The following MDGA2 variants were observed in gnomAD, a reference collection of about 807,000 sequenced individuals.
The protein encoded by MDGA2 is MAM domain containing glycosylphosphatidylinositol anchor 2.
Under a neutral mutation model 117.8 loss-of-function variants are expected in MDGA2, and 40 were observed. The ratio of observed to expected loss-of-function variants is 0.34; its 90% CI spans 0.26 to 0.44. The LOEUF (loss-of-function observed/expected upper bound fraction) is 0.44. Among genes scored for constraint, MDGA2 ranks in the 20% least tolerant of loss-of-function variants. MDGA2 has a pLI of 1.00. For missense variants in MDGA2, 1,123 were observed against 1,250.6 expected (o/e 0.90, Z 1.54); for synonymous variants, 452 against 439.0 (o/e 1.03, Z -0.37).
At chr14:46,936,054 C>A (rs948815176) in intron 9 of MDGA2, among the ~76,000 whole-genome samples, 4 of 152,006 alleles carry the variant, frequency 2.6e-5, no homozygotes, top group Admixed American at 6.6e-5. Flanking sequence ...TATATAAATA[C>A]AGTCATACAT....
chr14:46,922,522 A>G (rs1354921446), intron 9 of MDGA2, among the ~76,000 whole-genome samples: 1 of 152,188 alleles, frequency 6.6e-6, no homozygotes, highest in Non-Finnish European at 1.5e-5. Context: ...ATAACATTAA[A>G]AAAGTTCCTC....
chr14:46,885,755 C>G (rs1409077193), intron 10 of MDGA2, among the ~76,000 whole-genome samples: 1 of 152,062 alleles, frequency 6.6e-6, no homozygotes, highest in Non-Finnish European at 1.5e-5. Flanking sequence ...CAGCATAAAT[C>G]CCAAGCTTTA....
chr14:47,526,534 C>G (rs745774544), intron 1 of MDGA2, among the ~76,000 whole-genome samples: 1 of 152,136 alleles, frequency 6.6e-6, no homozygotes, highest in Non-Finnish European at 1.5e-5. Context: ...TCTAACTTCT[C>G]TCTCCCCAGG....
intron 1 of MDGA2, among the ~76,000 whole-genome samples, chr14:47,316,369 G>A (rs779111362): frequency 3.3e-5 from 5 of 151,738 alleles, no homozygotes; most frequent in African/African-American, 4.8e-5. Context: ...AAAATAAACC[G>A]CAACTTTATG....
At chr14:47,066,477 A>G (rs1414196645) in intron 6 of MDGA2, among the ~76,000 whole-genome samples, 2 of 152,204 alleles carry the variant, frequency 1.3e-5, no homozygotes, top group Non-Finnish European at 2.9e-5. Context: ...GAACAGAATA[A>G]CACTTGATGA....
At chr14:47,462,079 G>T (rs553865767) in intron 1 of MDGA2, among the ~76,000 whole-genome samples, 1 of 152,038 alleles carries the variant, frequency 6.6e-6, no homozygotes, top group East Asian at 1.9e-4. Context: ...AATTGCTTTC[G>T]TACCTTTAAA....
Position 46,873,845 on chromosome 14 carries a change from C to G in MDGA2, c.2593+200G>C, listed in dbSNP as rs186030620. On this transcript the variant is annotated intron_variant, in intron 13 of 16. Coordinates refer to ENST00000399232, the MANE Select transcript of MDGA2 (RefSeq NM_001113498.3). ...TGAATTATCAAAAAATTCCTATTCTCTCTACTATATGTATCAGTGAAGTCT... is the reference window on the plus strand; with the variant it reads ...TGAATTATCAAAAAATTCCTATTCTGTCTACTATATGTATCAGTGAAGTCT... 4.6e-4 allele frequency: 265 copies of G among 573,874 alleles called. 1 individual carries two copies. The highest frequency in any genetic ancestry group is 5.5e-4 in the Non-Finnish European group (197 of 357,514). 35.5% of individuals were successfully genotyped at this position (573,874 alleles called of 1,614,324 possible).
chr14:47,362,910 T>A (rs1168453203), intron 1 of MDGA2, among the ~76,000 whole-genome samples: 1 of 152,214 alleles, frequency 6.6e-6, no homozygotes, highest in African/African-American at 2.4e-5. Flanking sequence ...CACTTAGAAC[T>A]AGAAATGCTT....
intron 9 of MDGA2, among the ~76,000 whole-genome samples, chr14:46,945,738 G>T (rs115290674): frequency 1.4e-4 from 22 of 152,100 alleles, no homozygotes; most frequent in African/African-American, 5.3e-4. Context: ...ATAATCATGG[G>T]GCTCACTTCA....
Position 46,855,441 on chromosome 14 carries a change from TA to T in MDGA2, c.2753-288del, listed in dbSNP as rs935562261. ...TATTCTAGATTATTAGGGTGAGTCC[TA>T]AATGCAATTACATATAGCTTTATAA... On this transcript the variant is annotated intron_variant, in intron 14 of 16. Transcript: ENST00000399232. The surrounding 1 kb of genome is among the most constrained non-coding windows in gnomAD (Gnocchi z 4.1). Among the ~76,000 whole-genome samples the T allele has an allele frequency of 1.3e-5, 2 of 152,150 alleles. No homozygotes were observed. Among genetic ancestry groups the T allele is most frequent in the African/African-American group, 4.8e-5 (2 of 41,446 alleles).
At chr14:47,165,076 G>T (rs1212187745) in intron 3 of MDGA2, among the ~76,000 whole-genome samples, 1 of 151,892 alleles carries the variant, frequency 6.6e-6, no homozygotes, top group Non-Finnish European at 1.5e-5. Flanking sequence ...ACAGGAAGGG[G>T]AACATCACAC....
intron 5 of MDGA2, among the ~76,000 whole-genome samples, chr14:47,110,205 T>G (rs1263549385): frequency 2.0e-5 from 3 of 152,082 alleles, no homozygotes; most frequent in Non-Finnish European, 2.9e-5. Context: ...CACTCCTTTG[T>G]ACTTATTTGT....
intron 1 of MDGA2, among the ~76,000 whole-genome samples, chr14:47,495,319 G>T (rs1034172680): frequency 6.6e-6 from 1 of 151,630 alleles, no homozygotes; most frequent in African/African-American, 2.4e-5. Flanking sequence ...CTACTTATTT[G>T]GTACAATGTA....
At chr14:47,387,325 C>A (rs921029501) in intron 1 of MDGA2, among the ~76,000 whole-genome samples, 2 of 152,040 alleles carry the variant, frequency 1.3e-5, no homozygotes, top group Admixed American at 1.3e-4. Context: ...CACCCACCCC[C>A]AAACCCACCC....
At chr14:47,263,873 A>G (rs1433353580) in intron 2 of MDGA2, among the ~76,000 whole-genome samples, 1 of 152,168 alleles carries the variant, frequency 6.6e-6, no homozygotes, top group Non-Finnish European at 1.5e-5. Context: ...AAAAATAACA[A>G]TTGAACTCTA....
At chr14:47,113,343 C>A (rs188892822) in intron 5 of MDGA2, among the ~76,000 whole-genome samples, 2 of 151,806 alleles carry the variant, frequency 1.3e-5, no homozygotes, top group East Asian at 1.9e-4. Context: ...AAAAGGCCCA[C>A]GACCGGATGG....
At chr14:47,148,976 T>C (rs1173017205) in intron 3 of MDGA2, among the ~76,000 whole-genome samples, 2 of 152,166 alleles carry the variant, frequency 1.3e-5, no homozygotes, top group African/African-American at 4.8e-5. Context: ...TAGATATATT[T>C]GAACAAGCCA....
At chr14:47,073,071 C>T (rs1890352949) in intron 6 of MDGA2, among the ~76,000 whole-genome samples, 1 of 152,136 alleles carries the variant, frequency 6.6e-6, no homozygotes, top group South Asian at 2.1e-4. Flanking sequence ...TTCCAGATCT[C>T]TTCAGAAGAT....
At chr14:47,601,819 A>G (rs989162665) in intron 1 of MDGA2, among the ~76,000 whole-genome samples, 2 of 152,176 alleles carry the variant, frequency 1.3e-5, no homozygotes, top group South Asian at 2.1e-4. Context: ...GAGTCTGTGT[A>G]TGTATGGGCC....
Sources: allele counts gnomAD v4.1 joint callset (sites outside exome capture counted in the v4.1 genomes callset), GRCh38; gene constraint gnomAD v4.1.1; non-coding constraint Gnocchi (gnomAD v3.1); transcripts MANE v1.5; gene names NCBI Gene and HGNC (gene_info 2026-07-23, HGNC 2026-07-21).